DLC1: variants seen among roughly 807,000 people sequenced by gnomAD.
DLC1 encodes the protein DLC1 Rho GTPase activating protein, also known as rho GTPase-activating protein 7.
A neutral mutation model predicts 140.3 loss-of-function variants in DLC1; 54 were observed. That is an observed-to-expected ratio of 0.38 (90% CI 0.31 to 0.48). The LOEUF is 0.48. DLC1 is among the 20% of genes least tolerant of loss of function. The probability of loss-of-function intolerance (pLI) is 0.96; values close to 1 mark genes in which losing one functional copy is unlikely to be tolerated. For missense variants in DLC1, 2,536 were observed against 1,907.0 expected, an observed-to-expected ratio of 1.33 and a Z score of -6.14; for synonymous variants, 986 against 728.1, an observed-to-expected ratio of 1.35 and a Z score of -5.70.
At chr8:13,578,806 C>T (rs1455801871) in intron 1 of DLC1, among the ~76,000 whole-genome samples, 3 of 152,080 alleles carry the variant, frequency 2.0e-5, no homozygotes, top group Admixed American at 6.5e-5. Flanking sequence ...ATGTGTTCAA[C>T]AACCCAGAAG....
intron 2 of DLC1, among the ~76,000 whole-genome samples, chr8:13,403,953 T>G (rs73205782): frequency 0.13 from 20,485 of 151,872 alleles, 1,729 homozygotes; most frequent in Non-Finnish European, 0.2. Context: ...TAATGCATAT[T>G]GTGAATCAAA....
chr8:13,517,956 T>A (rs1802643473), upstream of DLC1, among the ~76,000 whole-genome samples: 1 of 152,148 alleles, frequency 6.6e-6, no homozygotes, highest in African/African-American at 2.4e-5. Context: ...CTTTCAGGTA[T>A]TTTTAGAATC....
intron 1 of DLC1, among the ~76,000 whole-genome samples, chr8:13,547,983 A>G (rs1563433434): frequency 1.3e-5 from 2 of 152,060 alleles, no homozygotes; most frequent in African/African-American, 4.8e-5. Context: ...TCAACCACCT[A>G]TAGTTCTACA....
chr8:13,205,667 T>C (rs1827625170), intron 5 of DLC1, among the ~76,000 whole-genome samples: 1 of 152,178 alleles, frequency 6.6e-6, no homozygotes, highest in Non-Finnish European at 1.5e-5. Flanking sequence ...GACAAATTTA[T>C]GTTGGGCTGC....
intron 5 of DLC1, among the ~76,000 whole-genome samples, chr8:13,123,490 G>A (rs953901579): frequency 6.8e-6 from 1 of 147,712 alleles, no homozygotes; most frequent in Non-Finnish European, 1.5e-5. Context: ...ACAGGCGCCC[G>A]CCACCACAAT....
At chr8:13,544,591 A>G (rs917473600) in intron 1 of DLC1, among the ~76,000 whole-genome samples, 1 of 152,144 alleles carries the variant, frequency 6.6e-6, no homozygotes, top group Admixed American at 6.6e-5. Context: ...GCTCCATTAC[A>G]TACTGTTGTG....
intron 2 of DLC1, among the ~76,000 whole-genome samples, chr8:13,478,621 A>C (rs921227149): frequency 2.0e-5 from 3 of 152,170 alleles, no homozygotes; most frequent in African/African-American, 7.2e-5. Context: ...CCTGGATCCC[A>C]TCCCTTCTCA....
intron 5 of DLC1, among the ~76,000 whole-genome samples, chr8:13,258,964 C>T (rs957375700): frequency 2.2e-4 from 33 of 151,710 alleles, no homozygotes; most frequent in Non-Finnish European, 4.7e-4. Context: ...GGTGAAACCC[C>T]ATCTCTACTA....
At chr8:13,133,046 C>T in intron 5 of DLC1, 27 of 1,572,792 alleles carry the variant, frequency 1.7e-5, no homozygotes, top group Non-Finnish European at 2.2e-5. Flanking sequence ...GGCTCGGCTT[C>T]CGCGTCGGGA....
Position 13,305,325 on chromosome 8 carries a change from T to G in DLC1, c.1315-23A>C, listed in dbSNP as rs1481107561. 4.4e-6 allele frequency: 7 copies of G among 1,575,080 alleles called. No individual in the cohort carries two copies. The South Asian group carries it at 8.5e-5, about 19-fold the overall frequency. Reference sequence around the variant, plus strand: ...AGCCTGAAAAAAAAGACACAAAAATTGTGGTATTATTAGGAAGAAACATCA... The same window carrying G: ...AGCCTGAAAAAAAAGACACAAAAATGGTGGTATTATTAGGAAGAAACATCA... On this transcript the variant is annotated intron_variant, in intron 4 of 17. Coordinates refer to ENST00000276297, the MANE Select transcript of DLC1 (RefSeq NM_182643.3).
intron 5 of DLC1, among the ~76,000 whole-genome samples, chr8:13,164,796 C>G (rs1226076908): frequency 2.0e-5 from 3 of 152,160 alleles, no homozygotes; most frequent in African/African-American, 7.2e-5. Context: ...TGGCATTGTA[C>G]TAAAATTGTT....
Position 13,499,343 on chromosome 8 carries a change from A to T in DLC1, c.729T>A (p.Asp243Glu), listed in dbSNP as rs759748490. The T allele has an allele frequency of 1.2e-6, 2 of 1,613,966 alleles. No homozygotes were observed. Among genetic ancestry groups the T allele is most frequent in the Non-Finnish European group, 8.5e-7 (1 of 1,179,996 alleles). ...CATTGCAGGTGCTTCTTTCATTTTC[A>T]TCTTTAGGGGGGTCAGGTTTCCTTC... is the stretch of plus-strand genomic sequence containing the variant. ...QQRRKPDPPK[D>E]ENERSTCNVV... The change falls in exon 2 of 18, where the codon GAT becomes GAA. Residue 243 changes from aspartate to glutamate, a missense_variant. By Grantham distance (45) the Asp-to-Glu change is conservative. Transcript: ENST00000276297.
intron 2 of DLC1, among the ~76,000 whole-genome samples, chr8:13,433,404 A>G (rs189650366): frequency 6.6e-6 from 1 of 152,212 alleles, no homozygotes; most frequent in African/African-American, 2.4e-5. Context: ...GTAGTTACAG[A>G]TCAAGAAAAA....
chr8:13,167,211 G>A (rs1214771357), intron 5 of DLC1, among the ~76,000 whole-genome samples: 1 of 152,140 alleles, frequency 6.6e-6, no homozygotes, highest in African/African-American at 2.4e-5. Flanking sequence ...AGGGAGTTAA[G>A]GGCGTAAAAG....
chr8:13,566,308 A>G (rs1357978107), intron 1 of DLC1, among the ~76,000 whole-genome samples: 1 of 152,136 alleles, frequency 6.6e-6, no homozygotes, highest in South Asian at 2.1e-4. Flanking sequence ...TGTATGGACA[A>G]AAGGCCAGAG....
At chr8:13,389,439 T>C (rs1399415828) in intron 4 of DLC1, among the ~76,000 whole-genome samples, 3 of 152,136 alleles carry the variant, frequency 2.0e-5, no homozygotes, top group Non-Finnish European at 4.4e-5. Context: ...CGAAAGGCAT[T>C]GTGAGATTGT....
chr8:13,424,505 A>T (rs1838465912), intron 2 of DLC1, among the ~76,000 whole-genome samples: 1 of 152,010 alleles, frequency 6.6e-6, no homozygotes, highest in Admixed American at 6.6e-5. Flanking sequence ...TAATAATAAC[A>T]ATAAAATAAA....
intron 2 of DLC1, among the ~76,000 whole-genome samples, chr8:13,443,153 A>G (rs895704196): frequency 5.4e-5 from 8 of 146,984 alleles, no homozygotes; most frequent in African/African-American, 1.5e-4. Flanking sequence ...GAATTGAACA[A>G]TGAGAACACA....
intron 1 of DLC1, among the ~76,000 whole-genome samples, chr8:13,583,717 A>T (rs1056898990): frequency 4.6e-5 from 7 of 152,254 alleles, no homozygotes; most frequent in Admixed American, 1.3e-4. Flanking sequence ...AAGAAGCAAC[A>T]CTATTGCATC....
Sources: allele counts gnomAD v4.1 joint callset (sites outside exome capture counted in the v4.1 genomes callset), GRCh38; gene constraint gnomAD v4.1.1; transcripts MANE v1.5; gene names NCBI Gene and HGNC (gene_info 2026-07-23, HGNC 2026-07-21).